TBC1D19: variants seen among roughly 807,000 people sequenced by gnomAD.
TBC1D19 encodes the protein TBC1 domain family, member 19.
In TBC1D19, 60 loss-of-function variants were observed where a neutral mutation model predicts 89.0. That is an observed-to-expected ratio of 0.67 (90% CI 0.55 to 0.84). The LOEUF (loss-of-function observed/expected upper bound fraction) is 0.84, where lower values mean the gene tolerates loss of function less well. Ranked by LOEUF, TBC1D19 falls within the 40% of genes least tolerant of loss-of-function variation. The pLI is 0.00. For missense variants in TBC1D19, 500 were observed against 610.8 expected, an observed-to-expected ratio of 0.82 and a Z score of 1.91; for synonymous variants, 189 against 199.7, an observed-to-expected ratio of 0.95 and a Z score of 0.45.
At chr4:26,681,807 A>G (rs1002448932) in intron 11 of TBC1D19, among the ~76,000 whole-genome samples, 2 of 152,166 alleles carry the variant, frequency 1.3e-5, no homozygotes, top group African/African-American at 4.8e-5. Context: ...AAGGAAAACC[A>G]TGATATGGCA....
At chr4:26,584,336 CG>C in intron 1 of TBC1D19, 44 bp downstream of exon 1, 1 of 1,550,920 alleles carries the variant, frequency 6.4e-7, no homozygotes, top group Non-Finnish European at 8.8e-7. Flanking sequence ...GGCGGGGCCG[CG>C]GCGATGTCTC....
chr4:26,808,642 T>C, the TBC1D19 span, among the ~76,000 whole-genome samples: 2 of 144,348 alleles, frequency 1.4e-5, no homozygotes, highest in African/African-American at 2.6e-5. Context: ...GGCAGGAGAA[T>C]AGCTTGAACC....
the TBC1D19 span, among the ~76,000 whole-genome samples, chr4:26,787,294 G>A: frequency 6.6e-6 from 1 of 152,006 alleles, no homozygotes; most frequent in Non-Finnish European, 1.5e-5. Context: ...TAGAGACGGG[G>A]TTTCACCATG....
intron 15 of TBC1D19, among the ~76,000 whole-genome samples, chr4:26,720,795 AT>A (rs1343093575): frequency 6.6e-6 from 1 of 152,128 alleles, no homozygotes; most frequent in Non-Finnish European, 1.5e-5. Context: ...CTTCCAGCTT[AT>A]CCTATGACCT....
the TBC1D19 span, among the ~76,000 whole-genome samples, chr4:26,841,542 C>G: frequency 6.6e-6 from 1 of 152,154 alleles, no homozygotes; most frequent in Non-Finnish European, 1.5e-5. Context: ...AGTGGAGATG[C>G]CTGACTTGAC....
rs748979100 is a variant in TBC1D19, at chr4:26,738,856, A to T, written c.1118-1008A>T. ...AAAATATTTTACTATTTTTCCTTTT[A>T]CTTTGTCAAAAAGAAGAGAGCACAA... On this transcript the variant is annotated intron_variant, in intron 16 of 20. Transcript: ENST00000264866. 4.6e-5 allele frequency among the ~76,000 whole-genome samples: 7 copies of T among 152,172 alleles called. No homozygotes were observed. The South Asian group carries it at 1.2e-3, about 27-fold the overall frequency.
chr4:26,736,289 C>T (rs1718039468), intron 16 of TBC1D19, among the ~76,000 whole-genome samples: 1 of 140,628 alleles, frequency 7.1e-6, no homozygotes, highest in Non-Finnish European at 1.5e-5. Flanking sequence ...TAAACTATCG[C>T]AAGAACAAAA....
chr4:26,826,884 TAACTGTTATGA>T, the TBC1D19 span, among the ~76,000 whole-genome samples: 46 of 152,246 alleles, frequency 3.0e-4, no homozygotes, highest in Non-Finnish European at 5.1e-4. Flanking sequence ...CCAGAAATAA[TAACTGTTATGA>T]AACCGGAAAG....
At chr4:26,841,247 C>T in the TBC1D19 span, among the ~76,000 whole-genome samples, 3 of 152,076 alleles carry the variant, frequency 2.0e-5, no homozygotes, top group Non-Finnish European at 4.4e-5. Context: ...ATTAGCCAGG[C>T]ATGGTGGCGT....
intron 4 of TBC1D19, among the ~76,000 whole-genome samples, chr4:26,627,621 TG>T (rs1742513056): frequency 6.6e-6 from 1 of 152,104 alleles, no homozygotes; most frequent in South Asian, 2.1e-4. Context: ...GGTTTTGATT[TG>T]CATTTCTCTG....
At chr4:26,621,610 C>T (rs79082360) in intron 4 of TBC1D19, among the ~76,000 whole-genome samples, 7,236 of 151,868 alleles carry the variant, frequency 0.048, 255 homozygotes, top group Non-Finnish European at 0.062. Context: ...GCACTTTTTT[C>T]GACTTTTATT....
chr4:26,584,432 CA>C, intron 1 of TBC1D19, 140 bp downstream of exon 1: 1 of 683,904 alleles, frequency 1.5e-6, no homozygotes. Context: ...CAGACAAAAA[CA>C]AAAACAAAAA....
chr4:26,844,515 G>T, the TBC1D19 span, among the ~76,000 whole-genome samples: 1 of 152,154 alleles, frequency 6.6e-6, no homozygotes, highest in African/African-American at 2.4e-5. Flanking sequence ...GTTATAGAAT[G>T]CTCTGTCTTC....
At chr4:26,661,156 G>A (rs1203091270) in intron 8 of TBC1D19, among the ~76,000 whole-genome samples, 1 of 152,092 alleles carries the variant, frequency 6.6e-6, no homozygotes, top group East Asian at 1.9e-4. Context: ...CCCCACAGAA[G>A]ACCAGAGGTG....
chr4:26,713,579 A>T (rs1203693410), intron 13 of TBC1D19, among the ~76,000 whole-genome samples: 2 of 152,138 alleles, frequency 1.3e-5, no homozygotes, highest in African/African-American at 4.8e-5. Context: ...TTATTTAAAA[A>T]TTCAAGGGAT....
chr4:26,650,984 A>G (rs542642330), intron 7 of TBC1D19, among the ~76,000 whole-genome samples: 47 of 152,136 alleles, frequency 3.1e-4, no homozygotes, highest in Non-Finnish European at 6.3e-4. Context: ...TCCTTTCCCC[A>G]TTGCTGGTTT....
rs1000286676 is a variant in TBC1D19 at position 26,741,694 on chromosome 4, C to T, written c.1228-814C>T. Among the ~76,000 whole-genome samples the T allele has an allele frequency of 5.9e-5, 9 of 151,462 alleles. 1 individual carries two copies. The highest frequency in any genetic ancestry group is 5.3e-4 in the Admixed American group (8 of 15,200). On this transcript the variant is annotated intron_variant, in intron 17 of 20. Coordinates refer to ENST00000264866, the MANE Select transcript of TBC1D19 (RefSeq NM_018317.4). ...AGTCACCACCTTTTTTGGCTTGCAG[C>T]TAGACTGAACTATTTGGAACCATGA...
chr4:26,819,467 G>T, the TBC1D19 span, among the ~76,000 whole-genome samples: 9 of 152,172 alleles, frequency 5.9e-5, no homozygotes, highest in African/African-American at 2.2e-4. Context: ...TGGTCTAAAT[G>T]GATCCAGCAT....
chr4:26,727,907 C>T (rs1560500023), intron 15 of TBC1D19, among the ~76,000 whole-genome samples: 1 of 152,164 alleles, frequency 6.6e-6, no homozygotes, highest in Non-Finnish European at 1.5e-5. Context: ...GAAGATAATA[C>T]ACAGTATGAA....
Sources: gnomAD v4.1 joint callset for allele counts (sites outside exome capture counted in the v4.1 genomes callset) on GRCh38, gnomAD v4.1.1 for gene constraint, MANE v1.5 for transcripts, NCBI Gene and HGNC (gene_info 2026-07-23, HGNC 2026-07-21) for gene names.